The following PTPRM variants were observed in gnomAD, a reference collection of about 807,000 sequenced individuals.
The protein encoded by PTPRM is protein tyrosine phosphatase receptor type M.
In PTPRM, 47 loss-of-function variants were observed where a neutral mutation model predicts 186.7. That is an observed-to-expected ratio of 0.25 (90% CI 0.20 to 0.32). PTPRM has a LOEUF of 0.32. Ranked by LOEUF, PTPRM falls within the 10% of genes least tolerant of loss-of-function variation. PTPRM has a pLI of 1.00. For missense variants in PTPRM, 1,494 were observed against 1,865.0 expected (o/e 0.80, Z 3.66); for synonymous variants, 668 against 674.9 (o/e 0.99, Z 0.16).
At chr18:8,034,520 C>T (rs1210486824) in intron 7 of PTPRM, among the ~76,000 whole-genome samples, 1 of 152,142 alleles carries the variant, frequency 6.6e-6, no homozygotes. Flanking sequence ...ATAGGATAGA[C>T]ATTCTCATTC....
intron 29 of PTPRM, among the ~76,000 whole-genome samples, chr18:8,382,607 TG>T (rs1433282130): frequency 1.3e-5 from 2 of 152,198 alleles, no homozygotes; most frequent in African/African-American, 2.4e-5. Flanking sequence ...AATAAATAAA[TG>T]TAATTTTTAA....
At chr18:8,248,589 G>A (rs1383303257) in intron 17 of PTPRM, among the ~76,000 whole-genome samples, 1 of 152,160 alleles carries the variant, frequency 6.6e-6, no homozygotes, top group East Asian at 1.9e-4. Context: ...TTCACTTATT[G>A]CTAAGCACTA....
intron 2 of PTPRM, among the ~76,000 whole-genome samples, chr18:7,839,314 G>A (rs1288744405): frequency 6.6e-6 from 1 of 152,208 alleles, no homozygotes; most frequent in African/African-American, 2.4e-5. Flanking sequence ...CCAGAAGCCA[G>A]CAAGTCTCAG....
intron 2 of PTPRM, among the ~76,000 whole-genome samples, chr18:7,886,225 C>G (rs962435240): frequency 3.9e-5 from 6 of 152,172 alleles, no homozygotes; most frequent in Non-Finnish European, 7.4e-5. Flanking sequence ...AAAACACAAT[C>G]TGTAACTCAT....
chr18:7,783,384 A>G (rs531317849), intron 2 of PTPRM, among the ~76,000 whole-genome samples: 2 of 152,266 alleles, frequency 1.3e-5, no homozygotes, highest in East Asian at 3.9e-4. Flanking sequence ...CAAGAAAGGG[A>G]CAATGAGTTT....
intron 7 of PTPRM, among the ~76,000 whole-genome samples, chr18:8,021,447 C>T (rs2085228351): frequency 1.3e-5 from 2 of 151,904 alleles, no homozygotes; most frequent in Admixed American, 1.3e-4. Flanking sequence ...TGGTTTGCTG[C>T]ACCTATCAAC....
chr18:8,220,492 C>A (rs1215791081), intron 14 of PTPRM, among the ~76,000 whole-genome samples: 2 of 152,150 alleles, frequency 1.3e-5, no homozygotes, highest in African/African-American at 4.8e-5. Context: ...ATGCCTCCAC[C>A]AGCAGGATTG....
At chr18:8,157,051 G>C (rs1038486105) in intron 14 of PTPRM, among the ~76,000 whole-genome samples, 1 of 152,090 alleles carries the variant, frequency 6.6e-6, no homozygotes, top group African/African-American at 2.4e-5. Context: ...CCTCCTCAGA[G>C]ACAAATGCTG....
At chr18:8,373,888 A>G (rs1317578155) in intron 24 of PTPRM, among the ~76,000 whole-genome samples, 11 of 146,782 alleles carry the variant, frequency 7.5e-5, no homozygotes, top group Admixed American at 4.1e-4. Flanking sequence ...CTGTCTCGGA[A>G]AAAAAAAAAA....
intron 4 of PTPRM, among the ~76,000 whole-genome samples, chr18:7,917,373 A>C (rs1445297134): frequency 1.3e-5 from 2 of 152,098 alleles, no homozygotes; most frequent in African/African-American, 4.8e-5. Context: ...CTCTACTAAA[A>C]ATACAAAAAA....
At chr18:7,679,827 T>C (rs2144562059) in intron 1 of PTPRM, among the ~76,000 whole-genome samples, 1 of 152,162 alleles carries the variant, frequency 6.6e-6, no homozygotes, top group South Asian at 2.1e-4. Flanking sequence ...TAGCTTGTCA[T>C]GCAATTTTTA....
Position 8,314,833 on chromosome 18 carries a change from C to T in PTPRM, c.2895C>T (p.Asp965=), listed in dbSNP as rs1210441413. The part of the protein sequence containing the change: ...LQTIEGDTNS[D]YINGNYIDGY... ...CAATAGAAGGAGACACAAACTCAGA[C>T]TATATCAATGGCAATTATATCGATG... The change falls in exon 21 of 33, where the codon GAC becomes GAT. Residue 965 remains aspartate (D), a synonymous_variant. Transcript: ENST00000580170. 1.2e-6 allele frequency: 2 copies of T among 1,606,476 alleles called. No individual in the cohort carries two copies. The highest frequency in any genetic ancestry group is 8.5e-7 in the Non-Finnish European group (1 of 1,173,988).
At chr18:8,391,580 G>T (rs78313506) in intron 31 of PTPRM, among the ~76,000 whole-genome samples, 5,901 of 152,266 alleles carry the variant, frequency 0.039, 157 homozygotes, top group East Asian at 0.094. Flanking sequence ...ATTCTCTTTG[G>T]TGATACTGAT....
intron 22 of PTPRM, among the ~76,000 whole-genome samples, chr18:8,337,528 T>A (rs1302586597): frequency 6.6e-6 from 1 of 152,204 alleles, no homozygotes; most frequent in Non-Finnish European, 1.5e-5. Flanking sequence ...TGGCCACTCA[T>A]ACCCACTGGG....
rs74682512 is a variant in PTPRM, at chr18:7,868,285, T to C, written c.197-19821T>C. On this transcript the variant is annotated intron_variant, in intron 2 of 32. Transcript: ENST00000580170. ...GGAGGAGAAAAGGCATTCTGGTTTT[T>C]GCAATTTCAGCCTCTTTGCTCTGGT... Among the ~76,000 whole-genome samples, 488 of 152,316 alleles carry C rather than the reference T, an allele frequency of 3.2e-3. 7 individuals are homozygous for C. The East Asian group carries it at 0.054, about 17-fold the overall frequency.
chr18:7,721,235 G>T (rs137875831), intron 1 of PTPRM, among the ~76,000 whole-genome samples: 303 of 151,554 alleles, frequency 2.0e-3, no homozygotes, highest in Non-Finnish European at 3.0e-3. Flanking sequence ...ATGATGTTTG[G>T]CATCTTTTTA....
intron 23 of PTPRM, among the ~76,000 whole-genome samples, chr18:8,358,291 A>G (rs2095576025): frequency 6.6e-6 from 1 of 151,686 alleles, no homozygotes; most frequent in African/African-American, 2.4e-5. Context: ...ACACTTGGAC[A>G]TGCACACACA....
chr18:7,954,314 G>A (rs1239971354), intron 6 of PTPRM, among the ~76,000 whole-genome samples: 1 of 152,136 alleles, frequency 6.6e-6, no homozygotes, highest in Non-Finnish European at 1.5e-5. Flanking sequence ...TTGCTTCAGA[G>A]CTTTCCTTTC....
intron 1 of PTPRM, among the ~76,000 whole-genome samples, chr18:7,748,114 G>A (rs1254942760): frequency 6.6e-6 from 1 of 152,182 alleles, no homozygotes; most frequent in African/African-American, 2.4e-5. Context: ...CTTGCAGTAG[G>A]TGTGGCCAGG....
Sources: allele counts gnomAD v4.1 joint callset (sites outside exome capture counted in the v4.1 genomes callset), GRCh38; gene constraint gnomAD v4.1.1; transcripts MANE v1.5; gene names NCBI Gene and HGNC (gene_info 2026-07-23, HGNC 2026-07-21).